Variants in HEPHL1 observed in about 807,000 individuals in gnomAD.
HEPHL1 encodes hephaestin like 1.
A neutral mutation model predicts 122.0 loss-of-function variants in HEPHL1; 123 were observed. That is an observed-to-expected ratio of 1.01 (90% CI 0.87 to 1.17). HEPHL1 has a LOEUF of 1.17. HEPHL1 is among the 50% of genes most tolerant of loss of function. The pLI, the probability that HEPHL1 is intolerant of heterozygous loss-of-function variation, is 0.00. For missense variants in HEPHL1, 1,452 were observed against 1,430.5 expected, an observed-to-expected ratio of 1.01 and a Z score of -0.24; for synonymous variants, 527 against 508.9, an observed-to-expected ratio of 1.04 and a Z score of -0.48.
At chr11:94,096,684 C>T (rs1232449371) in intron 13 of HEPHL1, among the ~76,000 whole-genome samples, 1 of 152,166 alleles carries the variant, frequency 6.6e-6, no homozygotes, top group East Asian at 1.9e-4. Context: ...TAATTATTGC[C>T]TCAATTTCAG....
chr11:94,103,060 G>C, intron 15 of HEPHL1, 40 bp downstream of exon 15: 2 of 1,184,426 alleles, frequency 1.7e-6, no homozygotes, highest in Non-Finnish European at 2.5e-6. Flanking sequence ...AAAATAATTT[G>C]GATGAAAGTT....
Position 94,113,627 on chromosome 11 carries a change from C to T in HEPHL1, c.*1733C>T, listed in dbSNP as rs936655896. On this transcript the variant is annotated 3_prime_UTR_variant, in exon 20 of 20. Transcript: ENST00000315765. ...TATGGTAAATGCCTTATTTATTACC[C>T]ACCTTAGTAAGACAAGTTGTTCAGT... is the stretch of plus-strand genomic sequence containing the variant. 1 of 152,038 alleles carries T rather than the reference C, an allele frequency of 6.6e-6. No individual in the cohort carries two copies. Among genetic ancestry groups the T allele is most frequent in the Non-Finnish European group, 1.5e-5 (1 of 68,020 alleles). The allele number at this position is 152,038 out of a possible 1,614,324, so 9.4% of individuals were successfully genotyped here.
intron 6 of HEPHL1, among the ~76,000 whole-genome samples, chr11:94,072,741 A>C (rs1946085945): frequency 6.6e-6 from 1 of 152,048 alleles, no homozygotes; most frequent in South Asian, 2.1e-4. Context: ...CCATTCTGGA[A>C]CTCTACTATT....
At chr11:94,042,634 C>G (rs1945792293) in intron 1 of HEPHL1, among the ~76,000 whole-genome samples, 1 of 148,688 alleles carries the variant, frequency 6.7e-6, no homozygotes, top group African/African-American at 2.5e-5. Context: ...AACAAAAAAT[C>G]AAACACCGCA....
intron 1 of HEPHL1, among the ~76,000 whole-genome samples, chr11:94,024,501 A>G (rs1945607442): frequency 6.6e-6 from 1 of 152,202 alleles, no homozygotes; most frequent in Admixed American, 6.5e-5. Flanking sequence ...AGTCCTAGAA[A>G]TTAGAGTTGG....
At chr11:94,101,583 T>C (rs758825947) in intron 14 of HEPHL1, among the ~76,000 whole-genome samples, 2 of 152,218 alleles carry the variant, frequency 1.3e-5, no homozygotes, top group Non-Finnish European at 1.5e-5. Flanking sequence ...TTTGTTGTAA[T>C]TGATGAACCT....
chr11:94,080,777 A>T (rs945168445), intron 9 of HEPHL1, among the ~76,000 whole-genome samples: 1 of 152,218 alleles, frequency 6.6e-6, no homozygotes, highest in Non-Finnish European at 1.5e-5. Flanking sequence ...CAATTATTAA[A>T]AAGTCGAGAA....
chr11:94,084,518 A>G (rs2134440816), intron 10 of HEPHL1, among the ~76,000 whole-genome samples: 1 of 152,288 alleles, frequency 6.6e-6, no homozygotes, highest in Non-Finnish European at 1.5e-5. Flanking sequence ...CAACAAAGCC[A>G]AAAAGAAAGG....
At chr11:94,034,376 C>T (rs1945702715) in intron 1 of HEPHL1, among the ~76,000 whole-genome samples, 1 of 152,204 alleles carries the variant, frequency 6.6e-6, no homozygotes. Flanking sequence ...ATTAAGACTG[C>T]TTAGGAGCTT....
intron 1 of HEPHL1, among the ~76,000 whole-genome samples, chr11:94,042,511 G>A (rs1429330393): frequency 6.7e-6 from 1 of 148,396 alleles, no homozygotes. Flanking sequence ...TTAAGAAAAT[G>A]TGGCACATAT....
intron 6 of HEPHL1, among the ~76,000 whole-genome samples, chr11:94,070,747 C>T (rs1337146713): frequency 6.6e-6 from 1 of 152,088 alleles, no homozygotes; most frequent in Non-Finnish European, 1.5e-5. Context: ...GACTTGACGG[C>T]TGAATCAAAA....
rs748071670 is a variant in HEPHL1, at chr11:94,070,335, C to T, written c.1064-39C>T. The T allele has an allele frequency of 1.5e-4, 234 of 1,543,028 alleles. 2 individuals are homozygous for T. Among genetic ancestry groups the T allele is most frequent in the Non-Finnish European group, 2.0e-4 (224 of 1,141,962 alleles). On this transcript the variant is annotated intron_variant, in intron 5 of 19. Coordinates refer to ENST00000315765, the MANE Select transcript of HEPHL1 (RefSeq NM_001098672.2). ...TTTCCTATATGATTCCTTTTGTGAT[C>T]ATTTATGCCTCAGCTCGTGGTTTTC...
At chr11:94,110,849 G>T in intron 17 of HEPHL1, 54 bp from the exon 18 acceptor site, 1 of 1,438,562 alleles carries the variant, frequency 7.0e-7, no homozygotes, top group Non-Finnish European at 9.5e-7. Context: ...TTCTGTTCTT[G>T]CTGTTCTGAG....
chr11:94,054,428 C>G (rs1945918270), intron 2 of HEPHL1, among the ~76,000 whole-genome samples: 1 of 152,070 alleles, frequency 6.6e-6, no homozygotes, highest in East Asian at 1.9e-4. Context: ...TCAACAGAAG[C>G]AGATTCTTCA....
chr11:94,067,657 A>T lies in HEPHL1; in HGVS notation c.970A>T (p.Asn324Tyr), dbSNP rs375991157. 3 of 1,613,694 alleles carry T rather than the reference A, an allele frequency of 1.9e-6. No individual in the cohort carries two copies. The African/African-American group carries it at 4.0e-5, about 22-fold the overall frequency. Residue 324 changes from asparagine (N) to tyrosine (Y), a missense_variant, in exon 5 of 20, where the codon AAC (asparagine) becomes TAC (tyrosine). Transcript: ENST00000315765. ...ISRGHRTDVV[N>Y]LFPATFLTTE... ...CAGAGGGCATCGGACTGATGTCGTC[A>T]ACCTGTTCCCAGCCACCTTCCTTAC...
chr11:94,078,938 C>A (rs944665219), intron 9 of HEPHL1, among the ~76,000 whole-genome samples: 1 of 152,150 alleles, frequency 6.6e-6, no homozygotes, highest in African/African-American at 2.4e-5. Flanking sequence ...CATAAATTCA[C>A]CATCACTCAG....
In HEPHL1 at chr11:94,067,510, C is replaced by T; in HGVS notation, c.823C>T (p.Leu275Phe). The part of the protein sequence containing the change: ...SNKMHALNGY[L>F]FGNFPEPDMC... ...TCTGTTTCCAGCCCTCAATGGATACCTCTTCGGAAACTTCCCGGAGCCTGA... is the reference window on the plus strand; with the variant it reads ...TCTGTTTCCAGCCCTCAATGGATACTTCTTCGGAAACTTCCCGGAGCCTGA... The change falls in exon 5 of 20, where the codon CTC (leucine) becomes TTC (phenylalanine). Residue 275 changes from leucine to phenylalanine, a missense_variant. Transcript: ENST00000315765. The T allele has an allele frequency of 6.2e-7, 1 of 1,613,448 alleles. No individual in the cohort carries two copies. The highest frequency in any genetic ancestry group is 8.5e-7 in the Non-Finnish European group (1 of 1,179,540).
Position 94,104,511 on chromosome 11 carries a change from T to C in HEPHL1, c.2683-17T>C. On this transcript the variant is annotated splice_polypyrimidine_tract_variant and intron_variant, in intron 15 of 19. Transcript: ENST00000315765. ...TTACTTAATGGCTCTTTTAACTCAGTTTATTTTTTCTTCCAGGATACGTAT... is the reference window on the plus strand; with the variant it reads ...TTACTTAATGGCTCTTTTAACTCAGCTTATTTTTTCTTCCAGGATACGTAT... The C allele has an allele frequency of 1.9e-6, 3 of 1,557,306 alleles. No homozygotes were observed. Among genetic ancestry groups the C allele is most frequent in the Middle Eastern group, 1.7e-4 (1 of 5,932 alleles).
intron 13 of HEPHL1, among the ~76,000 whole-genome samples, chr11:94,099,952 G>A (rs1013703115): frequency 6.6e-6 from 1 of 152,150 alleles, no homozygotes; most frequent in African/African-American, 2.4e-5. Flanking sequence ...CTGACCCCTT[G>A]TGCTTCCCAG....
Sources: gnomAD v4.1 joint callset for allele counts (sites outside exome capture counted in the v4.1 genomes callset) on GRCh38, gnomAD v4.1.1 for gene constraint, MANE v1.5 for transcripts, NCBI Gene and HGNC (gene_info 2026-07-23, HGNC 2026-07-21) for gene names.